VAV3: variants seen among roughly 807,000 people sequenced by gnomAD.
VAV3 encodes the protein vav guanine nucleotide exchange factor 3, also known as guanine nucleotide exchange factor VAV3.
VAV3 carries 94 observed loss-of-function variants against 131.2 expected under a neutral mutation model. The observed-to-expected ratio is 0.72, with a 90% CI of 0.61 to 0.85. The LOEUF is 0.85. Ranked by LOEUF, VAV3 falls within the 40% of genes least tolerant of loss-of-function variation. The pLI is 0.00. For missense variants in VAV3, 939 were observed against 1,002.7 expected, an observed-to-expected ratio of 0.94 and a Z score of 0.86; for synonymous variants, 349 against 342.0, an observed-to-expected ratio of 1.02 and a Z score of -0.22.
chr1:107,760,629 GCTGTT>G (rs1664357770), intron 10 of VAV3, among the ~76,000 whole-genome samples, 150 bp downstream of exon 10: 1 of 152,166 alleles, frequency 6.6e-6, no homozygotes, highest in African/African-American at 2.4e-5. Context: ...AAAATGTCCA[GCTGTT>G]CTGTTATTTC....
At chr1:107,886,563 C>T (rs1671046932) in intron 1 of VAV3, among the ~76,000 whole-genome samples, 1 of 152,218 alleles carries the variant, frequency 6.6e-6, no homozygotes, top group Admixed American at 6.5e-5. Context: ...TTGAGGACTT[C>T]CTTCATTTGG....
intron 2 of VAV3, among the ~76,000 whole-genome samples, chr1:107,807,152 T>C (rs1228401125): frequency 6.6e-6 from 1 of 152,156 alleles, no homozygotes; most frequent in Non-Finnish European, 1.5e-5. Flanking sequence ...GGTTTCTAGG[T>C]GTCAAAATGA....
intron 15 of VAV3, among the ~76,000 whole-genome samples, chr1:107,707,405 C>T (rs1333647203): frequency 1.3e-5 from 2 of 152,162 alleles, no homozygotes; most frequent in Admixed American, 6.5e-5. Context: ...ACCAATAAAA[C>T]CAAACTCATC....
At chr1:107,687,277 G>C (rs1192518175) in intron 18 of VAV3, among the ~76,000 whole-genome samples, 1 of 151,984 alleles carries the variant, frequency 6.6e-6, no homozygotes, top group Non-Finnish European at 1.5e-5. Context: ...TCACACTCTT[G>C]ATATCCTATA....
intron 15 of VAV3, among the ~76,000 whole-genome samples, chr1:107,738,051 T>C (rs1304235025): frequency 6.6e-6 from 1 of 152,182 alleles, no homozygotes; most frequent in African/African-American, 2.4e-5. Context: ...TTCATGTCCT[T>C]TGTAGGGACA....
At chr1:107,917,199 G>A (rs1265178348) in intron 1 of VAV3, among the ~76,000 whole-genome samples, 1 of 152,120 alleles carries the variant, frequency 6.6e-6, no homozygotes, top group African/African-American at 2.4e-5. Context: ...CAAGAGATGA[G>A]AACCTGTACT....
intron 1 of VAV3, among the ~76,000 whole-genome samples, chr1:107,877,667 T>A (rs966146672): frequency 2.0e-5 from 3 of 152,216 alleles, no homozygotes; most frequent in African/African-American, 7.2e-5. Context: ...TACTCTCACT[T>A]TTCCAGGCAA....
intron 1 of VAV3, among the ~76,000 whole-genome samples, chr1:107,908,869 ACACAC>A (rs1557916918): frequency 6.3e-4 from 87 of 137,500 alleles, no homozygotes; most frequent in African/African-American, 2.2e-3. Flanking sequence ...ACACACACAC[ACACAC>A]AATATAAAAC....
chr1:107,759,576 C>A (rs968837594), intron 10 of VAV3, among the ~76,000 whole-genome samples: 4 of 152,044 alleles, frequency 2.6e-5, no homozygotes, highest in African/African-American at 9.7e-5. Context: ...AGAATTTTTA[C>A]CTATGTGTAG....
intron 2 of VAV3, among the ~76,000 whole-genome samples, chr1:107,846,128 G>C (rs1394854270): frequency 3.3e-5 from 5 of 152,206 alleles, no homozygotes; most frequent in African/African-American, 4.8e-5. Context: ...AACCAGAAGA[G>C]AGTGGGGGCC....
At position 107,705,072 on chromosome 1, in the gene VAV3, GA is replaced by G. The variant is rs540157185; in HGVS notation, c.1503-12del. 12 of 1,589,862 alleles carry G rather than the reference GA, an allele frequency of 7.5e-6. No individual in the cohort carries two copies. In the African/African-American group the frequency reaches 1.1e-4, roughly 14 times the overall value. On this transcript the variant is annotated splice_polypyrimidine_tract_variant and intron_variant, in intron 15 of 26. Transcript: ENST00000370056. ...GGTCTTATGTTAGACCTAAAAAAAG[GA>G]AAAAAATAACTTTCTATAGAAAGTT...
At chr1:107,634,788 C>G (rs1391817562) in intron 20 of VAV3, among the ~76,000 whole-genome samples, 2 of 151,748 alleles carry the variant, frequency 1.3e-5, no homozygotes, top group African/African-American at 4.8e-5. Flanking sequence ...AAAAAACAAA[C>G]AACCCCATGA....
intron 1 of VAV3, among the ~76,000 whole-genome samples, chr1:107,936,541 T>G (rs1295909727): frequency 6.6e-6 from 1 of 152,192 alleles, no homozygotes; most frequent in Non-Finnish European, 1.5e-5. Context: ...TTTATTAGCC[T>G]TAGTCGGCAA....
intron 2 of VAV3, among the ~76,000 whole-genome samples, chr1:107,803,981 T>A (rs1481198065): frequency 6.6e-6 from 1 of 152,072 alleles, no homozygotes; most frequent in African/African-American, 2.4e-5. Context: ...CCCCTTATAT[T>A]ATTAATATAG....
intron 20 of VAV3, among the ~76,000 whole-genome samples, chr1:107,635,586 G>C (rs983896483): frequency 6.6e-6 from 1 of 151,984 alleles, no homozygotes; most frequent in Admixed American, 6.6e-5. Flanking sequence ...AAACCTGCAC[G>C]TTGTGCACAC....
chr1:107,590,782 A>C (rs916333445), intron 25 of VAV3, among the ~76,000 whole-genome samples: 1 of 152,108 alleles, frequency 6.6e-6, no homozygotes, highest in African/African-American at 2.4e-5. Flanking sequence ...GATATACGCA[A>C]ACCTGCCACT....
chr1:107,933,875 C>T (rs925988728), intron 1 of VAV3, among the ~76,000 whole-genome samples: 4 of 151,134 alleles, frequency 2.6e-5, no homozygotes, highest in Non-Finnish European at 5.9e-5. Context: ...AAAAAGCATG[C>T]TATCTGTAGG....
chr1:107,722,118 CAG>C (rs1325191115), intron 15 of VAV3, among the ~76,000 whole-genome samples: 1 of 152,160 alleles, frequency 6.6e-6, no homozygotes, highest in Non-Finnish European at 1.5e-5. Context: ...ATATTTTCTG[CAG>C]AGTCAGTTGT....
chr1:107,749,651 AT>A, intron 13 of VAV3, 57 bp from the exon 14 acceptor site: 6 of 1,568,320 alleles, frequency 3.8e-6, no homozygotes, highest in Admixed American at 4.0e-5. Context: ...TGGGTTATTA[AT>A]TTTTTTGGGT....
Sources: allele counts gnomAD v4.1 joint callset (sites outside exome capture counted in the v4.1 genomes callset), GRCh38; gene constraint gnomAD v4.1.1; transcripts MANE v1.5; gene names NCBI Gene and HGNC (gene_info 2026-07-23, HGNC 2026-07-21).